GNB4: variants seen among roughly 807,000 people sequenced by gnomAD.
GNB4 encodes the protein G protein subunit beta 4.
Under a neutral mutation model 45.2 loss-of-function variants are expected in GNB4, and 28 were observed. The observed-to-expected ratio is 0.62, with a 90% CI of 0.46 to 0.85. The LOEUF is 0.85. Among genes scored for constraint, GNB4 ranks in the 40% least tolerant of loss-of-function variants. GNB4 has a pLI of 0.00. For synonymous variants in GNB4, 132 were observed against 143.7 expected (o/e 0.92, Z 0.58); for missense variants, 321 against 425.4 (o/e 0.75, Z 2.16).
intron 1 of GNB4, among the ~76,000 whole-genome samples, chr3:179,450,136 T>C (rs1219543296): frequency 2.0e-5 from 3 of 152,216 alleles, no homozygotes; most frequent in Admixed American, 2.0e-4. Context: ...AGTTTCAAAT[T>C]CATCTACAAA....
chr3:179,481,140 T>C, the GNB4 span, among the ~76,000 whole-genome samples: 110,338 of 151,918 alleles, frequency 0.73, 40,318 homozygotes, highest in East Asian at 0.97. Context: ...CGTGAGCCAC[T>C]GCGCCCGGCC....
chr3:179,445,966 A>G (rs981504636), intron 1 of GNB4, among the ~76,000 whole-genome samples: 5 of 152,230 alleles, frequency 3.3e-5, no homozygotes, highest in African/African-American at 1.2e-4. Flanking sequence ...ACACTAAGAG[A>G]AACTTTATAT....
At chr3:179,485,214 G>A in the GNB4 span, among the ~76,000 whole-genome samples, 687 of 151,812 alleles carry the variant, frequency 4.5e-3, 9 homozygotes, top group Middle Eastern at 0.014. Flanking sequence ...GGGTTTCACC[G>A]TGTTAGCCAG....
chr3:179,453,951 A>C (rs1261260755), upstream of GNB4, among the ~76,000 whole-genome samples: 2 of 152,180 alleles, frequency 1.3e-5, no homozygotes, highest in African/African-American at 4.8e-5. Context: ...ATTTCATAAG[A>C]GCACACTAAT....
chr3:179,416,258 T>C (rs1307825149), intron 5 of GNB4, among the ~76,000 whole-genome samples: 1 of 152,212 alleles, frequency 6.6e-6, no homozygotes, highest in Non-Finnish European at 1.5e-5. Context: ...GGTACTCTTC[T>C]AATATTCATA....
At chr3:179,433,683 T>C (rs1715370008) in intron 1 of GNB4, among the ~76,000 whole-genome samples, 1 of 146,964 alleles carries the variant, frequency 6.8e-6, no homozygotes, top group Non-Finnish European at 1.5e-5. Flanking sequence ...AGAACATAGA[T>C]ACCTCAAAAG....
At chr3:179,465,820 CTTCT>C in the GNB4 span, among the ~76,000 whole-genome samples, 17,555 of 110,044 alleles carry the variant, frequency 0.16, 954 homozygotes, top group East Asian at 0.29. Context: ...TCTTCTTCTT[CTTCT>C]TTTTTTTTTT....
At chr3:179,409,764 C>T (rs1423754625) in intron 8 of GNB4, among the ~76,000 whole-genome samples, 11 of 149,504 alleles carry the variant, frequency 7.4e-5, no homozygotes, top group Admixed American at 4.7e-4. Flanking sequence ...GAGCCGAGAT[C>T]GCACCACTAC....
At chr3:179,476,536 G>T in the GNB4 span, among the ~76,000 whole-genome samples, 1 of 152,186 alleles carries the variant, frequency 6.6e-6, no homozygotes, top group Non-Finnish European at 1.5e-5. Flanking sequence ...TGCTCTAGGG[G>T]GGACCCTCTT....
At chr3:179,527,370 G>A in the GNB4 span, among the ~76,000 whole-genome samples, 2 of 152,238 alleles carry the variant, frequency 1.3e-5, no homozygotes, top group Admixed American at 6.5e-5. Context: ...GGAACTTCCA[G>A]CATTTGAATG....
chr3:179,436,064 A>G (rs151245678), intron 1 of GNB4, among the ~76,000 whole-genome samples: 146 of 152,348 alleles, frequency 9.6e-4, no homozygotes, highest in African/African-American at 3.3e-3. Context: ...GAAAGCTCAT[A>G]TAAGCCATAA....
At chr3:179,409,032 T>C (rs948253377) in intron 8 of GNB4, among the ~76,000 whole-genome samples, 10 of 147,524 alleles carry the variant, frequency 6.8e-5, no homozygotes, top group African/African-American at 2.5e-4. Context: ...GGCACGCACC[T>C]GTATACCCAG....
intron 4 of GNB4, among the ~76,000 whole-genome samples, chr3:179,417,599 G>A (rs527360092): frequency 4.6e-5 from 7 of 152,084 alleles, no homozygotes; most frequent in Non-Finnish European, 1.0e-4. Flanking sequence ...TGTTGGTCAG[G>A]CTGGTCTTGA....
chr3:179,526,370 A>G, the GNB4 span, among the ~76,000 whole-genome samples: 1 of 152,166 alleles, frequency 6.6e-6, no homozygotes, highest in South Asian at 2.1e-4. Flanking sequence ...CAAGAATGTA[A>G]AATCATTTGC....
chr3:179,478,849 T>G, the GNB4 span, among the ~76,000 whole-genome samples: 1 of 152,228 alleles, frequency 6.6e-6, no homozygotes, highest in Non-Finnish European at 1.5e-5. Flanking sequence ...CCTAGTGATG[T>G]TCTCATCATA....
intron 4 of GNB4, 123 bp from the exon 5 acceptor site, chr3:179,416,679 A>T: frequency 1.9e-6 from 1 of 512,968 alleles, no homozygotes; most frequent in South Asian, 4.4e-5. Flanking sequence ...AAAACTTGAT[A>T]CCAAAAAATG....
Position 179,399,526 on chromosome 3 carries a change from C to T in GNB4, c.*1687G>A, listed in dbSNP as rs1441737256. Reference sequence around the variant, plus strand: ...CCAAAAAGTTAATAGAAATCTTAATCAAAATATAAATATACATTCATAACT... The same window carrying T: ...CCAAAAAGTTAATAGAAATCTTAATTAAAATATAAATATACATTCATAACT... On this transcript the variant is annotated 3_prime_UTR_variant, in exon 10 of 10. Transcript: ENST00000232564. The T allele has an allele frequency of 6.6e-6, 1 of 152,078 alleles. No homozygotes were observed. The highest frequency in any genetic ancestry group is 2.4e-5 in the African/African-American group (1 of 41,438). 9.4% of individuals were successfully genotyped at this position (152,078 alleles called of 1,614,324 possible). A position where few individuals can be genotyped will look rare whatever the true frequency, so the allele number is the denominator to read the frequency against.
intron 1 of GNB4, among the ~76,000 whole-genome samples, chr3:179,446,364 C>A (rs1373561790): frequency 6.6e-6 from 1 of 152,156 alleles, no homozygotes; most frequent in Non-Finnish European, 1.5e-5. Context: ...AGAAAGAGGT[C>A]TTTGAACTAA....
the GNB4 span, among the ~76,000 whole-genome samples, chr3:179,471,508 A>G: frequency 2.0e-5 from 3 of 152,366 alleles, no homozygotes; most frequent in East Asian, 5.8e-4. Context: ...TATTTAGTAC[A>G]GTGCCATGCA....
Sources: allele counts gnomAD v4.1 joint callset (sites outside exome capture counted in the v4.1 genomes callset), GRCh38; gene constraint gnomAD v4.1.1; transcripts MANE v1.5; gene names NCBI Gene and HGNC (gene_info 2026-07-23, HGNC 2026-07-21).